The following AHR variants were observed in gnomAD, a reference collection of about 807,000 sequenced individuals.
The protein encoded by AHR is aryl hydrocarbon receptor.
AHR carries 40 observed loss-of-function variants against 86.8 expected under a neutral mutation model. That is an observed-to-expected ratio of 0.46 (90% CI 0.36 to 0.60). The LOEUF (loss-of-function observed/expected upper bound fraction) is 0.60. Ranked by LOEUF, AHR falls within the 20% of genes least tolerant of loss-of-function variation. The pLI, the probability that AHR is intolerant of heterozygous loss-of-function variation, is 0.00. For synonymous variants in AHR, 398 were observed against 354.9 expected (o/e 1.12, Z -1.37); for missense variants, 1,001 against 1,011.6 (o/e 0.99, Z 0.14).
chr7:17,334,828 T>TAACC, intron 7 of AHR, 59 bp from the exon 8 acceptor site: 1 of 1,206,344 alleles, frequency 8.3e-7, no homozygotes, highest in Non-Finnish European at 1.2e-6. Context: ...TTATCTTGGT[T>TAACC]ATTTCATTTA....
chr7:17,311,294 A>G lies in AHR; in HGVS notation c.253+1171A>G, dbSNP rs996329249. ...CTTCTCATACATTAATGTGCTTACAAATCACATAGGGATCTTGTTAAGATG... is the reference window on the plus strand; with the variant it reads ...CTTCTCATACATTAATGTGCTTACAGATCACATAGGGATCTTGTTAAGATG... On this transcript the variant is annotated intron_variant, in intron 2 of 10. Transcript: ENST00000242057. 2.0e-5 allele frequency among the ~76,000 whole-genome samples: 3 copies of G among 152,204 alleles called. No homozygotes were observed. The East Asian group carries it at 5.8e-4, about 29-fold the overall frequency.
Position 17,334,209 on chromosome 7 carries a change from G to C in AHR, c.908+95G>C, listed in dbSNP as rs1477797608. ...TAAAACATACAGTGTATGTAATATT[G>C]TTTATTATTAGATTGGCTATTATCG... On this transcript the variant is annotated intron_variant, in intron 7 of 10. Transcript: ENST00000242057. 2.7e-6 allele frequency: 3 copies of C among 1,094,756 alleles called. No individual in the cohort carries two copies. The African/African-American group carries it at 4.7e-5, about 17-fold the overall frequency. The allele number at this position is 1,094,756 out of a possible 1,614,324, so 67.8% of individuals were successfully genotyped here.
chr7:17,327,099 A>G (rs947131040), intron 3 of AHR, among the ~76,000 whole-genome samples: 3 of 152,068 alleles, frequency 2.0e-5, no homozygotes, highest in Non-Finnish European at 2.9e-5. Context: ...ACAGAGAGAA[A>G]AAGAAACATT....
chr7:17,309,836 GT>G, intron 1 of AHR, 99 bp from the exon 2 acceptor site: 1 of 1,028,544 alleles, frequency 9.7e-7, no homozygotes, highest in Middle Eastern at 2.8e-4. Flanking sequence ...TTAAAAGTTT[GT>G]TGTGTTAGAG....
In AHR at chr7:17,335,676, T is replaced by C. The variant is rs941207934; in HGVS notation, c.1050T>C (p.Val350=). The C allele has an allele frequency of 6.3e-7, 1 of 1,588,228 alleles. No individual in the cohort carries two copies. The highest frequency in any genetic ancestry group is 8.6e-7 in the Non-Finnish European group (1 of 1,165,394). The stretch of plus-strand genomic sequence containing the variant: ...AGACTGGAGAAAGTGGCATGATAGT[T>C]TTCCGGCTTCTTACAAAAAACAACC... ...MIKTGESGMI[V]FRLLTKNNRW... The change falls in exon 9 of 11, where the codon GTT becomes GTC. Residue 350 remains valine, a synonymous_variant. Coordinates refer to ENST00000242057, the MANE Select transcript of AHR (RefSeq NM_001621.5).
intron 2 of AHR, among the ~76,000 whole-genome samples, chr7:17,311,976 C>T (rs1000293346): frequency 1.3e-5 from 2 of 152,192 alleles, no homozygotes; most frequent in African/African-American, 4.8e-5. Context: ...GCAGCATCAG[C>T]ATCACCTGGG....
In AHR at chr7:17,339,001, A is replaced by C; in HGVS notation, c.1176A>C (p.Thr392=). The C allele has an allele frequency of 6.2e-7, 1 of 1,613,416 alleles. No homozygotes were observed. Among genetic ancestry groups the C allele is most frequent in the African/African-American group, 1.3e-5 (1 of 75,030 alleles). ...TQRPLTDEEG[T]EHLRKRNTKL... ...ACAATTTTAGAGATGAGGAAGGAAC[A>C]GAGCATTTACGAAAACGAAATACGA... is the stretch of plus-strand genomic sequence containing the variant. Residue 392 remains threonine, a synonymous_variant, in exon 10 of 11, where the codon ACA becomes ACC. Coordinates refer to ENST00000242057, the MANE Select transcript of AHR (RefSeq NM_001621.5).
At chr7:17,300,783 A>G (rs1275943037) in intron 1 of AHR, among the ~76,000 whole-genome samples, 1 of 152,158 alleles carries the variant, frequency 6.6e-6, no homozygotes, top group Non-Finnish European at 1.5e-5. Flanking sequence ...TGTCTGTTCT[A>G]TGTGTTTATT....
intron 9 of AHR, among the ~76,000 whole-genome samples, chr7:17,338,612 T>C (rs1782381823): frequency 6.6e-6 from 1 of 152,158 alleles, no homozygotes; most frequent in Non-Finnish European, 1.5e-5. Context: ...CACATCAGCC[T>C]CCCAAAGTGC....
chr7:17,325,950 A>G (rs73079677), intron 3 of AHR, among the ~76,000 whole-genome samples: 32,518 of 151,952 alleles, frequency 0.21, 3,801 homozygotes, highest in East Asian at 0.39. Flanking sequence ...ACTTAAAAGT[A>G]AAAAAATAGA....
rs1287725340 is a variant in AHR, at chr7:17,343,010, T to A, written c.2493T>A (p.His831Gln). 1.2e-6 allele frequency: 2 copies of A among 1,613,846 alleles called. No individual in the cohort carries two copies. The highest frequency in any genetic ancestry group is 1.7e-6 in the Non-Finnish European group (2 of 1,179,896). The change falls in exon 11 of 11, where the codon CAT (histidine) becomes CAA (glutamine). Residue 831 changes from histidine to glutamine, a missense_variant. Around this residue, in one of 2 missense-constraint regions of AHR, gnomAD observed 607 missense variants for 543.1 expected, o/e 1.12. Coordinates refer to ENST00000242057, the MANE Select transcript of AHR (RefSeq NM_001621.5). ...CTACCACACATCTTCAGCCACTTCA[T>A]CATCCGTCAGAAGCCAGACCTTTTC... ...TQTTTHLQPL[H>Q]HPSEARPFPD...
chr7:17,322,329 CA>C lies in AHR; in HGVS notation c.254-170del, dbSNP rs1051327552. 3.3e-5 allele frequency among the ~76,000 whole-genome samples: 5 copies of C among 152,030 alleles called. No homozygotes were observed. The South Asian group carries it at 6.2e-4, about 19-fold the overall frequency. ...CATAGAATAAGGAGCTACCCACTGGCAACAGGATTACTTACCTAGTATTTAT... is the reference window on the plus strand; with the variant it reads ...CATAGAATAAGGAGCTACCCACTGGCACAGGATTACTTACCTAGTATTTAT... On this transcript the variant is annotated intron_variant, in intron 2 of 10. Coordinates refer to ENST00000242057, the MANE Select transcript of AHR (RefSeq NM_001621.5).
chr7:17,320,266 A>T (rs1268077500), intron 2 of AHR, among the ~76,000 whole-genome samples: 1 of 152,020 alleles, frequency 6.6e-6, no homozygotes, highest in Non-Finnish European at 1.5e-5. Flanking sequence ...GGTCTGACTC[A>T]AGTGTCTAAT....
intron 2 of AHR, among the ~76,000 whole-genome samples, chr7:17,313,371 A>G (rs924087929): frequency 3.3e-5 from 5 of 152,208 alleles, no homozygotes; most frequent in Non-Finnish European, 7.4e-5. Context: ...CTCAAAGTGA[A>G]TAACAGGATG....
intron 6 of AHR, among the ~76,000 whole-genome samples, chr7:17,332,835 G>A (rs1016207941): frequency 6.6e-5 from 10 of 151,796 alleles, no homozygotes; most frequent in African/African-American, 1.2e-4. Flanking sequence ...AGTAGTGTAC[G>A]GTAATGTCTC....
intron 2 of AHR, among the ~76,000 whole-genome samples, chr7:17,311,123 A>T (rs974463343): frequency 1.3e-5 from 2 of 152,224 alleles, no homozygotes; most frequent in African/African-American, 4.8e-5. Context: ...GTATTTTCTC[A>T]TGTAAAATTA....
intron 2 of AHR, among the ~76,000 whole-genome samples, chr7:17,322,046 T>A (rs1468049060): frequency 6.6e-6 from 1 of 151,952 alleles, no homozygotes; most frequent in Non-Finnish European, 1.5e-5. Context: ...GTTGCTTTTT[T>A]TCTCCTCACC....
chr7:17,312,720 T>A (rs1160764027), intron 2 of AHR, among the ~76,000 whole-genome samples: 1 of 152,196 alleles, frequency 6.6e-6, no homozygotes, highest in African/African-American at 2.4e-5. Context: ...GACAGTAGGA[T>A]CTTATTACCT....
At chr7:17,316,846 T>G (rs1006325872) in intron 2 of AHR, among the ~76,000 whole-genome samples, 1 of 152,108 alleles carries the variant, frequency 6.6e-6, no homozygotes, top group Non-Finnish European at 1.5e-5. Context: ...GTTTTGTGAT[T>G]AAAGCACTGA....
Sources: allele counts gnomAD v4.1 joint callset (sites outside exome capture counted in the v4.1 genomes callset), GRCh38; gene constraint gnomAD v4.1.1; regional missense constraint gnomAD v4.1.1; transcripts MANE v1.5; gene names NCBI Gene and HGNC (gene_info 2026-07-23, HGNC 2026-07-21).